Variants in OSBPL1A observed in about 807,000 individuals in gnomAD.
OSBPL1A encodes oxysterol-binding protein-related protein 1.
In OSBPL1A, 80 loss-of-function variants were observed where a neutral mutation model predicts 137.1. That is an observed-to-expected ratio of 0.58 (90% CI 0.49 to 0.70). OSBPL1A has a LOEUF of 0.70. Among genes scored for constraint, OSBPL1A ranks in the 30% least tolerant of loss-of-function variants. The pLI, the probability that OSBPL1A is intolerant of heterozygous loss-of-function variation, is 0.00. For missense variants in OSBPL1A, 970 were observed against 1,129.4 expected, an observed-to-expected ratio of 0.86 and a Z score of 2.02; for synonymous variants, 365 against 389.7, an observed-to-expected ratio of 0.94 and a Z score of 0.75.
intron 15 of OSBPL1A, among the ~76,000 whole-genome samples, chr18:24,261,808 T>C (rs1326222685): frequency 6.6e-6 from 1 of 152,130 alleles, no homozygotes; most frequent in Non-Finnish European, 1.5e-5. Flanking sequence ...GCCAAGATCA[T>C]GCCACTGCAC....
At chr18:24,317,278 C>G (rs1261115997) in intron 10 of OSBPL1A, 49 bp downstream of exon 10, 1 of 1,610,022 alleles carries the variant, frequency 6.2e-7, no homozygotes, top group Non-Finnish European at 8.5e-7. Flanking sequence ...ATTCGTATTT[C>G]AAAATTTATA....
intron 18 of OSBPL1A, among the ~76,000 whole-genome samples, chr18:24,189,572 G>A (rs928899167): frequency 2.0e-5 from 3 of 152,154 alleles, no homozygotes; most frequent in Admixed American, 6.5e-5. Context: ...CACAGCTACC[G>A]ATAATGAAAA....
intron 18 of OSBPL1A, among the ~76,000 whole-genome samples, chr18:24,183,471 C>T (rs1289513906): frequency 2.0e-5 from 3 of 147,460 alleles, no homozygotes; most frequent in African/African-American, 5.0e-5. Context: ...TTGCTCTTGT[C>T]GCCCAGGCTG....
In OSBPL1A at chr18:24,396,318, GAGA is replaced by G. The variant is rs201750775; in HGVS notation, c.-3+1334_-3+1336del. On this transcript the variant is annotated intron_variant, in intron 1 of 27. Coordinates refer to ENST00000319481, the MANE Select transcript of OSBPL1A (RefSeq NM_080597.4). The stretch of plus-strand genomic sequence containing the variant: ...CATGCAAAAATGAGCAGCCTCCAGA[GAGA>G]AGAATTAGCCACCCACCATAAGTTT... 7.2e-3 allele frequency among the ~76,000 whole-genome samples: 1,090 copies of G among 151,836 alleles called. 13 individuals are homozygous for G. The highest frequency in any genetic ancestry group is 0.022 in the African/African-American group (926 of 41,370).
chr18:24,349,471 G>A (rs2091400965), intron 4 of OSBPL1A, among the ~76,000 whole-genome samples: 1 of 152,092 alleles, frequency 6.6e-6, no homozygotes, highest in African/African-American at 2.4e-5. Flanking sequence ...AAAAATAACA[G>A]CAGAAATAAA....
chr18:24,208,477 C>T (rs1232499120), intron 17 of OSBPL1A, among the ~76,000 whole-genome samples: 1 of 152,186 alleles, frequency 6.6e-6, no homozygotes, highest in Non-Finnish European at 1.5e-5. Context: ...CTCTCTACTC[C>T]TTCTTTGTCC....
chr18:24,293,556 C>G (rs1464093897), intron 14 of OSBPL1A, among the ~76,000 whole-genome samples: 1 of 152,184 alleles, frequency 6.6e-6, no homozygotes, highest in East Asian at 1.9e-4. Context: ...CAGGAAAATC[C>G]TCTGTGTGCA....
chr18:24,163,672 TACAGCATACCC>T (rs919002284), intron 27 of OSBPL1A, among the ~76,000 whole-genome samples: 1 of 152,190 alleles, frequency 6.6e-6, no homozygotes, highest in African/African-American at 2.4e-5. Flanking sequence ...AATTAACATT[TACAGCATACCC>T]ACAGCAGTAT....
intron 15 of OSBPL1A, among the ~76,000 whole-genome samples, chr18:24,250,404 G>A (rs1200183699): frequency 1.3e-5 from 2 of 152,152 alleles, no homozygotes; most frequent in Non-Finnish European, 2.9e-5. Context: ...TCGAACTCCT[G>A]ACCTCATGTG....
At chr18:24,172,515 G>C (rs1183263541) in intron 21 of OSBPL1A, 32 bp from the exon 22 acceptor site, 5 of 1,466,152 alleles carry the variant, frequency 3.4e-6, no homozygotes, top group Non-Finnish European at 4.8e-6. Flanking sequence ...AGAAGCATAA[G>C]TGAGAGGTAT....
chr18:24,179,786 G>A lies in OSBPL1A; in HGVS notation c.1862C>T (p.Thr621Ile). 6.2e-7 allele frequency: 1 copy of A among 1,614,192 alleles called. No homozygotes were observed. Residue 621 changes from threonine (T) to isoleucine (I), a missense_variant, in exon 20 of 28, where the codon ACT becomes ATT. By Grantham distance (89) the Thr-to-Ile change is moderately conservative. Transcript: ENST00000319481. Reference protein sequence around the residue: ...VSAVASQWERTGKPFNPLLGE... With the variant: ...VSAVASQWERIGKPFNPLLGE... The stretch of plus-strand genomic sequence containing the variant: ...CAGCAGTGGGTTGAAAGGTTTTCCA[G>A]TCCGTTCCCACTGAGAAGCAACAGC...
chr18:24,252,398 A>G (rs275867), intron 15 of OSBPL1A, among the ~76,000 whole-genome samples: 141,393 of 152,112 alleles, frequency 0.93, 65,895 homozygotes, highest in Admixed American at 0.97. Context: ...AAATCTTACC[A>G]GCCAGAAGAG....
chr18:24,203,878 T>C (rs749153114), intron 17 of OSBPL1A, among the ~76,000 whole-genome samples: 5 of 152,358 alleles, frequency 3.3e-5, no homozygotes, highest in Non-Finnish European at 5.9e-5. Flanking sequence ...CTAATTATTT[T>C]AAGGAATGTA....
chr18:24,386,228 G>A (rs2144270142), intron 1 of OSBPL1A, among the ~76,000 whole-genome samples: 1 of 152,208 alleles, frequency 6.6e-6, no homozygotes, highest in Non-Finnish European at 1.5e-5. Flanking sequence ...GAAAGAGAAA[G>A]GAACAGAGCC....
chr18:24,239,459 AT>A, intron 15 of OSBPL1A, 77 bp from the exon 16 acceptor site: 3 of 1,342,104 alleles, frequency 2.2e-6, no homozygotes, highest in Non-Finnish European at 3.1e-6. Context: ...GTGAAAATTA[AT>A]TGCTTTTGAT....
rs1039904369 is a variant in OSBPL1A, at chr18:24,384,852, C to T, written c.-2-7317G>A. On this transcript the variant is annotated intron_variant, in intron 1 of 27. Coordinates refer to ENST00000319481, the MANE Select transcript of OSBPL1A (RefSeq NM_080597.4). ...ACGCGCCATTGCACCCCAGCCTCGG[C>T]GACAAGAGTGAAACTGTCTCGGAAA... 1.1e-4 allele frequency among the ~76,000 whole-genome samples: 15 copies of T among 141,076 alleles called. No homozygotes were observed. The East Asian group carries it at 1.6e-3, about 15-fold the overall frequency. The allele number at this position is 141,076 out of a possible 152,430, so 92.6% of individuals were successfully genotyped here. A position where few individuals can be genotyped will look rare whatever the true frequency, so the allele number is the denominator to read the frequency against.
At chr18:24,328,762 C>A (rs746896488) in intron 7 of OSBPL1A, among the ~76,000 whole-genome samples, 10 of 152,072 alleles carry the variant, frequency 6.6e-5, no homozygotes, top group African/African-American at 2.4e-4. Flanking sequence ...CTAGTCCATA[C>A]TGAGATGTGC....
intron 17 of OSBPL1A, among the ~76,000 whole-genome samples, chr18:24,219,160 G>A (rs1241789187): frequency 6.6e-6 from 1 of 152,038 alleles, no homozygotes; most frequent in Non-Finnish European, 1.5e-5. Context: ...AGGCATGCTA[G>A]TGACTCCTGT....
intron 17 of OSBPL1A, among the ~76,000 whole-genome samples, chr18:24,201,045 A>G (rs1332896471): frequency 1.3e-5 from 2 of 152,068 alleles, no homozygotes; most frequent in African/African-American, 4.8e-5. Flanking sequence ...TCAGGCTGAA[A>G]GCACAGCTCA....
Sources: allele counts gnomAD v4.1 joint callset (sites outside exome capture counted in the v4.1 genomes callset), GRCh38; gene constraint gnomAD v4.1.1; transcripts MANE v1.5; gene names NCBI Gene and HGNC (gene_info 2026-07-23, HGNC 2026-07-21).